DOCK3: variants seen among roughly 807,000 people sequenced by gnomAD.
The protein encoded by DOCK3 is dedicator of cytokinesis protein 3.
Under a neutral mutation model 265.6 loss-of-function variants are expected in DOCK3, and 60 were observed. The ratio of observed to expected loss-of-function variants is 0.23; its 90% CI spans 0.18 to 0.28. DOCK3 has a LOEUF of 0.28. DOCK3 is among the 10% of genes least tolerant of loss of function. The probability of loss-of-function intolerance (pLI) is 1.00; values close to 1 mark genes in which losing one functional copy is unlikely to be tolerated. For synonymous variants in DOCK3, 881 were observed against 938.0 expected, an observed-to-expected ratio of 0.94 and a Z score of 1.11; for missense variants, 1,981 against 2,594.3, an observed-to-expected ratio of 0.76 and a Z score of 5.14.
In DOCK3 at chr3:51,012,686, T is replaced by C. The variant is rs560584984; in HGVS notation, c.316-51762T>C. ...CACTGTCCGATAAGCCCCAATGAGA[T>C]GAACCTGGTACCTCAGTTGGAAATG... On this transcript the variant is annotated intron_variant, in intron 5 of 52. Transcript: ENST00000266037. Among the ~76,000 whole-genome samples the C allele has an allele frequency of 2.0e-5, 3 of 152,166 alleles. No homozygotes were observed. The East Asian group carries it at 5.8e-4, about 29-fold the overall frequency.
At chr3:51,028,113 C>T (rs989747490) in intron 5 of DOCK3, among the ~76,000 whole-genome samples, 12 of 152,004 alleles carry the variant, frequency 7.9e-5, no homozygotes, top group East Asian at 1.9e-4. Context: ...CATTTCTTGT[C>T]GGGCTAGACT....
At chr3:51,323,983 A>G (rs899565480) in intron 32 of DOCK3, among the ~76,000 whole-genome samples, 1 of 152,198 alleles carries the variant, frequency 6.6e-6, no homozygotes, top group Non-Finnish European at 1.5e-5. Context: ...GAATGGCCAA[A>G]AACTGGAAGC....
chr3:51,004,611 TGTA>T (rs1284633314), intron 5 of DOCK3, among the ~76,000 whole-genome samples: 1 of 152,122 alleles, frequency 6.6e-6, no homozygotes, highest in Non-Finnish European at 1.5e-5. Flanking sequence ...GTAGAATGAT[TGTA>T]GTAGATAATT....
chr3:50,944,119 A>G (rs1363997349), intron 5 of DOCK3, among the ~76,000 whole-genome samples: 1 of 152,234 alleles, frequency 6.6e-6, no homozygotes, highest in Non-Finnish European at 1.5e-5. Context: ...GTATATAGAA[A>G]TAAATGGACA....
intron 40 of DOCK3, among the ~76,000 whole-genome samples, chr3:51,353,352 C>CT (rs2086133008): frequency 6.6e-6 from 1 of 152,044 alleles, no homozygotes; most frequent in African/African-American, 2.4e-5. Context: ...TGGCTCATGC[C>CT]TGTAATCCGA....
intron 35 of DOCK3, among the ~76,000 whole-genome samples, chr3:51,336,499 G>A (rs972825875): frequency 6.6e-6 from 1 of 152,124 alleles, no homozygotes; most frequent in African/African-American, 2.4e-5. Context: ...GGTCACTGAT[G>A]TAGTCCCCAG....
At chr3:51,376,260 C>A (rs1339292728) in intron 51 of DOCK3, among the ~76,000 whole-genome samples, 2 of 152,194 alleles carry the variant, frequency 1.3e-5, no homozygotes, top group Admixed American at 1.3e-4. Flanking sequence ...AAACAAGCCC[C>A]AAGAGGAAGG....
chr3:50,843,783 T>A (rs1029635064), intron 3 of DOCK3, among the ~76,000 whole-genome samples: 12 of 152,178 alleles, frequency 7.9e-5, no homozygotes, highest in Non-Finnish European at 1.5e-4. Context: ...TCTATATATC[T>A]CTTAATAGCT....
chr3:50,833,598 G>A (rs928492574), intron 2 of DOCK3, among the ~76,000 whole-genome samples: 2 of 152,040 alleles, frequency 1.3e-5, no homozygotes, highest in African/African-American at 4.8e-5. Flanking sequence ...TGAGGCCCCT[G>A]GGCCTTTCAG....
intron 2 of DOCK3, among the ~76,000 whole-genome samples, chr3:50,839,186 T>TA (rs2045680559): frequency 6.6e-6 from 1 of 152,224 alleles, no homozygotes; most frequent in Non-Finnish European, 1.5e-5. Context: ...TGTCTCTGAA[T>TA]AACATTCCAT....
chr3:50,952,352 A>G (rs1310482180), intron 5 of DOCK3, among the ~76,000 whole-genome samples: 1 of 152,154 alleles, frequency 6.6e-6, no homozygotes, highest in Admixed American at 6.5e-5. Context: ...AGATGGCTCA[A>G]AGGGTATTAA....
intron 1 of DOCK3, among the ~76,000 whole-genome samples, chr3:50,701,776 T>C (rs936196860): frequency 2.0e-5 from 3 of 152,226 alleles, no homozygotes; most frequent in Non-Finnish European, 4.4e-5. Context: ...TTCATTCTTC[T>C]ACATATTGAT....
intron 5 of DOCK3, among the ~76,000 whole-genome samples, chr3:51,003,809 C>T (rs949263164): frequency 6.6e-6 from 1 of 152,126 alleles, no homozygotes; most frequent in Admixed American, 6.6e-5. Flanking sequence ...TGGATTTGAG[C>T]AATTTTTGTC....
rs36071655 is a variant in DOCK3, at chr3:50,744,436, A to AT, written c.38-34223dup. ...TAGCTCTTTGATCCATCTTCAGTTA[A>AT]TTTTTTTTTTTTTTTTGAGGCAGAG... On this transcript the variant is annotated intron_variant, in intron 1 of 52. Coordinates refer to ENST00000266037, the MANE Select transcript of DOCK3 (RefSeq NM_004947.5). 7.5e-3 allele frequency among the ~76,000 whole-genome samples: 990 copies of AT among 131,822 alleles called. 6 individuals carry two copies. The highest frequency in any genetic ancestry group is 0.016 in the Middle Eastern group (4 of 258). The allele number at this position is 131,822 out of a possible 152,430, so 86.5% of individuals were successfully genotyped here.
intron 12 of DOCK3, among the ~76,000 whole-genome samples, chr3:51,198,935 A>G (rs2088503688): frequency 6.6e-6 from 1 of 152,126 alleles, no homozygotes; most frequent in Non-Finnish European, 1.5e-5. Flanking sequence ...AGGCTGAGGC[A>G]TGAGAATCGC....
intron 12 of DOCK3, among the ~76,000 whole-genome samples, chr3:51,178,347 G>A (rs2107698887): frequency 6.6e-6 from 1 of 152,260 alleles, no homozygotes; most frequent in African/African-American, 2.4e-5. Flanking sequence ...CACAAACATG[G>A]CATGTGACAT....
chr3:50,783,559 C>T (rs1330330099), intron 2 of DOCK3, among the ~76,000 whole-genome samples: 1 of 152,042 alleles, frequency 6.6e-6, no homozygotes, highest in African/African-American at 2.4e-5. Context: ...TTGTTTTTCT[C>T]TTCTTGATTT....
chr3:50,807,987 T>C (rs1489217076), intron 2 of DOCK3, among the ~76,000 whole-genome samples: 1 of 152,180 alleles, frequency 6.6e-6, no homozygotes, highest in African/African-American at 2.4e-5. Context: ...TCCTCCCACC[T>C]CAGTCTCCCA....
At chr3:50,872,308 A>C (rs1273054237) in intron 3 of DOCK3, among the ~76,000 whole-genome samples, 1 of 152,246 alleles carries the variant, frequency 6.6e-6, no homozygotes, top group Non-Finnish European at 1.5e-5. Flanking sequence ...GACCACCTTG[A>C]TGGTCTTGGA....
Sources: allele counts gnomAD v4.1 joint callset (sites outside exome capture counted in the v4.1 genomes callset), GRCh38; gene constraint gnomAD v4.1.1; transcripts MANE v1.5; gene names NCBI Gene and HGNC (gene_info 2026-07-23, HGNC 2026-07-21).